ROBO2: variants seen among roughly 807,000 people sequenced by gnomAD.
The protein encoded by ROBO2 is roundabout guidance receptor 2, also known as roundabout homolog 2.
ROBO2 carries 53 observed loss-of-function variants against 160.8 expected under a neutral mutation model. That is an observed-to-expected ratio of 0.33 (90% CI 0.26 to 0.41). The LOEUF (loss-of-function observed/expected upper bound fraction) is 0.41, where lower values mean the gene tolerates loss of function less well. ROBO2 is among the 10% of genes least tolerant of loss of function. The pLI, the probability that ROBO2 is intolerant of heterozygous loss-of-function variation, is 1.00. For synonymous variants in ROBO2, 664 were observed against 611.7 expected (o/e 1.09, Z -1.26); for missense variants, 1,577 against 1,722.4 (o/e 0.92, Z 1.49).
chr3:76,622,279 AAAGAAAG>A (rs1210618763), intron 2 of ROBO2, among the ~76,000 whole-genome samples: 1 of 53,188 alleles, frequency 1.9e-5, no homozygotes, highest in African/African-American at 7.3e-5. Flanking sequence ...AGAAAGAAAG[AAAGAAAG>A]AAAGAAAGAA....
At chr3:76,022,440 T>C (rs1056488342) in intron 2 of ROBO2, among the ~76,000 whole-genome samples, 2 of 151,728 alleles carry the variant, frequency 1.3e-5, no homozygotes, top group African/African-American at 4.8e-5. Flanking sequence ...AGCAATAACC[T>C]TATCATATTT....
chr3:77,145,686 G>A (rs1458448041), intron 2 of ROBO2, among the ~76,000 whole-genome samples: 2 of 152,038 alleles, frequency 1.3e-5, no homozygotes, highest in Non-Finnish European at 2.9e-5. Flanking sequence ...TGAGATAATC[G>A]ATGGAAAGAC....
chr3:77,634,601 A>G, intron 23 of ROBO2: 1 of 446,502 alleles, frequency 2.2e-6, no homozygotes, highest in South Asian at 2.4e-5. Context: ...TGCAATATTG[A>G]GTTGTGGATT....
intron 2 of ROBO2, among the ~76,000 whole-genome samples, chr3:76,994,410 G>A (rs1202039013): frequency 1.3e-5 from 2 of 152,090 alleles, no homozygotes; most frequent in Non-Finnish European, 1.5e-5. Flanking sequence ...GGGAAAGTTG[G>A]AAACTGCTTT....
intron 2 of ROBO2, among the ~76,000 whole-genome samples, chr3:76,272,645 A>C (rs1300102886): frequency 1.0e-5 from 1 of 99,154 alleles, no homozygotes; most frequent in Non-Finnish European, 2.5e-5. Flanking sequence ...CCTGGGCGAA[A>C]GAGCGAGACC....
At chr3:77,234,254 C>T (rs1035593849) in intron 2 of ROBO2, among the ~76,000 whole-genome samples, 2 of 152,180 alleles carry the variant, frequency 1.3e-5, no homozygotes, top group African/African-American at 4.8e-5. Flanking sequence ...TTCCCCCTCC[C>T]ATCTCCCACG....
At chr3:77,583,081 G>T (rs536782665) in intron 16 of ROBO2, among the ~76,000 whole-genome samples, 1 of 146,768 alleles carries the variant, frequency 6.8e-6, no homozygotes, top group Non-Finnish European at 1.5e-5. Flanking sequence ...GGCGGAGGTT[G>T]CAGTGAGCTG....
At chr3:76,165,324 A>G (rs933596294) in intron 2 of ROBO2, among the ~76,000 whole-genome samples, 1 of 147,250 alleles carries the variant, frequency 6.8e-6, no homozygotes, top group Non-Finnish European at 1.5e-5. Flanking sequence ...CAACCTCATG[A>G]GCTAATTTCT....
At chr3:76,793,943 T>G (rs745648876) in intron 2 of ROBO2, among the ~76,000 whole-genome samples, 1 of 151,962 alleles carries the variant, frequency 6.6e-6, no homozygotes, top group Non-Finnish European at 1.5e-5. Context: ...TTGAAGAGTT[T>G]GAGATCATTG....
chr3:77,325,053 T>C (rs1462504119), intron 2 of ROBO2, among the ~76,000 whole-genome samples: 1 of 152,060 alleles, frequency 6.6e-6, no homozygotes, highest in East Asian at 1.9e-4. Flanking sequence ...GGGGCAGACA[T>C]AGGTAATTTT....
At position 76,736,076 on chromosome 3, in the gene ROBO2, G is replaced by A. The variant is rs374486109; in HGVS notation, c.110-361938G>A. 5.9e-3 allele frequency among the ~76,000 whole-genome samples: 895 copies of A among 151,762 alleles called. 5 individuals are homozygous for A. Among genetic ancestry groups the A allele is most frequent in the Middle Eastern group, 0.024 (7 of 294 alleles). ...AGGCGGGCGGATCACGAGGTCAGGA[G>A]ATCGAGACCATCCTGGCTAACACGG... On this transcript the variant is annotated intron_variant, in intron 2 of 26. Coordinates refer to the ROBO2 transcript ENST00000487694.
intron 23 of ROBO2, among the ~76,000 whole-genome samples, chr3:77,628,307 T>C (rs540345240): frequency 2.0e-5 from 3 of 152,316 alleles, no homozygotes; most frequent in African/African-American, 7.2e-5. Context: ...TTTTACCTGG[T>C]GTTCATTTTA....
At chr3:77,637,146 T>C (rs925183822) in intron 24 of ROBO2, among the ~76,000 whole-genome samples, 1 of 152,236 alleles carries the variant, frequency 6.6e-6, no homozygotes, top group Non-Finnish European at 1.5e-5. Flanking sequence ...TTAATTATTC[T>C]GGGGTGAAAC....
intron 2 of ROBO2, among the ~76,000 whole-genome samples, chr3:76,040,022 CTTCTT>C (rs1203848178): frequency 6.6e-6 from 1 of 151,772 alleles, no homozygotes; most frequent in African/African-American, 2.4e-5. Context: ...TTTTTAATGA[CTTCTT>C]TTGTCTTCTT....
At chr3:75,967,295 G>A (rs78963370) in intron 2 of ROBO2, among the ~76,000 whole-genome samples, 1 of 151,398 alleles carries the variant, frequency 6.6e-6, no homozygotes, top group Non-Finnish European at 1.5e-5. Context: ...TTGTCTATAT[G>A]CCAATCTTGA....
chr3:76,682,349 G>A (rs1036403980), intron 2 of ROBO2, among the ~76,000 whole-genome samples: 2 of 152,056 alleles, frequency 1.3e-5, no homozygotes, highest in African/African-American at 2.4e-5. Flanking sequence ...AAGATAATTC[G>A]TGGAAAGTCT....
At chr3:76,820,083 C>T (rs778826539) in intron 2 of ROBO2, among the ~76,000 whole-genome samples, 5 of 152,048 alleles carry the variant, frequency 3.3e-5, no homozygotes, top group Non-Finnish European at 7.4e-5. Context: ...CAATATCGCC[C>T]TGCTAACATG....
intron 2 of ROBO2, among the ~76,000 whole-genome samples, chr3:77,005,047 A>AG (rs1200062946): frequency 1.1e-5 from 1 of 89,172 alleles, no homozygotes; most frequent in Admixed American, 1.0e-4. Context: ...AGCCTAAAAC[A>AG]AAACAGAACA....
At chr3:76,034,994 T>C (rs949506851) in intron 2 of ROBO2, among the ~76,000 whole-genome samples, 10 of 152,024 alleles carry the variant, frequency 6.6e-5, no homozygotes, top group African/African-American at 2.4e-4. Context: ...AGTGCTTCTC[T>C]CTTTAACCTT....
Sources: allele counts gnomAD v4.1 joint callset (sites outside exome capture counted in the v4.1 genomes callset), GRCh38; gene constraint gnomAD v4.1.1; transcripts MANE v1.5; gene names NCBI Gene and HGNC (gene_info 2026-07-23, HGNC 2026-07-21).